Variants in C9 observed in about 807,000 individuals in gnomAD.
The protein encoded by C9 is complement C9.
A neutral mutation model predicts 65.4 loss-of-function variants in C9; 63 were observed. The observed-to-expected ratio is 0.96, with a 90% CI of 0.79 to 1.19. The LOEUF is 1.19. Among genes scored for constraint, C9 ranks in the 50% most tolerant of loss-of-function variants. C9 has a pLI of 0.00. For synonymous variants in C9, 229 were observed against 227.9 expected (o/e 1.00, Z -0.04); for missense variants, 744 against 670.1 (o/e 1.11, Z -1.22).
intron 4 of C9, among the ~76,000 whole-genome samples, chr5:39,337,538 G>A (rs919539103): frequency 6.6e-6 from 1 of 152,272 alleles, no homozygotes; most frequent in East Asian, 1.9e-4. Context: ...TTCTTTGGCA[G>A]TGCTTATAGA....
intron 4 of C9, among the ~76,000 whole-genome samples, chr5:39,333,578 C>CTCTCCG (rs1165605561): frequency 7.0e-6 from 1 of 142,560 alleles, no homozygotes; most frequent in African/African-American, 2.7e-5. Flanking sequence ...CTCCCTCTCC[C>CTCTCCG]TCTCCGTCTC....
intron 4 of C9, among the ~76,000 whole-genome samples, chr5:39,338,984 A>G (rs887891053): frequency 1.3e-5 from 2 of 152,224 alleles, no homozygotes; most frequent in African/African-American, 4.8e-5. Context: ...GAGAATAAAT[A>G]ACATATGTTA....
At chr5:39,341,952 A>G (rs1168204545) in intron 2 of C9, 139 bp downstream of exon 2, 3 of 712,864 alleles carry the variant, frequency 4.2e-6, no homozygotes, top group South Asian at 3.2e-5. Context: ...AGTTAGCAAC[A>G]TACATTTAAA....
chr5:39,343,500 C>T (rs558329481), intron 1 of C9, among the ~76,000 whole-genome samples: 1 of 152,296 alleles, frequency 6.6e-6, no homozygotes. Context: ...ATTGCTGAGG[C>T]TTGAATATGT....
intron 9 of C9, among the ~76,000 whole-genome samples, chr5:39,293,864 GA>G (rs2111847164): frequency 6.6e-6 from 1 of 151,892 alleles, no homozygotes; most frequent in Non-Finnish European, 1.5e-5. Context: ...TACCTTCTAA[GA>G]CCACATGGAA....
At chr5:39,343,416 A>C (rs535104672) in intron 1 of C9, among the ~76,000 whole-genome samples, 5 of 152,322 alleles carry the variant, frequency 3.3e-5, no homozygotes, top group African/African-American at 1.2e-4. Flanking sequence ...AGGCCCATGG[A>C]GACTTGCTCA....
At position 39,306,714 on chromosome 5, in the gene C9, A is replaced by C; in HGVS notation, c.1319T>G (p.Leu440Arg). ...RGGTRKYAFELKEKLLRGTVI... is the reference protein window; with the variant it reads ...RGGTRKYAFERKEKLLRGTVI... ...GGTTCCTCGGAGAAGCTTTTCTTTC[A>C]GTTCAAATGCATATTTTCTGGTTCC... Residue 440 changes from leucine to arginine, a missense_variant, in exon 9 of 11, where the codon CTG becomes CGG. Coordinates refer to ENST00000263408, the MANE Select transcript of C9 (RefSeq NM_001737.5). 1.2e-6 allele frequency: 2 copies of C among 1,612,868 alleles called. No individual in the cohort carries two copies. The highest frequency in any genetic ancestry group is 3.3e-4 in the Middle Eastern group (2 of 6,056).
intron 7 of C9, among the ~76,000 whole-genome samples, chr5:39,309,092 C>G (rs891286093): frequency 2.6e-5 from 4 of 150,948 alleles, no homozygotes; most frequent in African/African-American, 4.9e-5. Context: ...TGTGTAGATG[C>G]CCAAACAGTT....
intron 5 of C9, among the ~76,000 whole-genome samples, chr5:39,323,330 C>T (rs1265091174): frequency 6.6e-6 from 1 of 151,696 alleles, no homozygotes; most frequent in Non-Finnish European, 1.5e-5. Context: ...ACCAGCATTA[C>T]CCTGATATCA....
At chr5:39,316,860 C>G (rs1337434363) in intron 5 of C9, among the ~76,000 whole-genome samples, 1 of 152,108 alleles carries the variant, frequency 6.6e-6, no homozygotes. Context: ...TGGATATATA[C>G]TCAGTATTGG....
At chr5:39,313,616 C>A (rs993481476) in intron 6 of C9, among the ~76,000 whole-genome samples, 1 of 152,176 alleles carries the variant, frequency 6.6e-6, no homozygotes, top group Non-Finnish European at 1.5e-5. Context: ...TGCTGCTGTT[C>A]CATAGACCAC....
At chr5:39,334,067 C>T (rs1244226832) in intron 4 of C9, among the ~76,000 whole-genome samples, 1 of 151,338 alleles carries the variant, frequency 6.6e-6, no homozygotes, top group Non-Finnish European at 1.5e-5. Context: ...CTCTGCCTGG[C>T]CGCCCATCGT....
chr5:39,310,900 A>T (rs1409881710), intron 7 of C9, among the ~76,000 whole-genome samples: 3 of 152,200 alleles, frequency 2.0e-5, no homozygotes, highest in Admixed American at 6.5e-5. Context: ...AATACAATGG[A>T]TCCATCTCTC....
intron 5 of C9, among the ~76,000 whole-genome samples, chr5:39,320,048 A>T (rs1753640724): frequency 6.6e-6 from 1 of 152,214 alleles, no homozygotes. Flanking sequence ...TCTTTAAGGA[A>T]TGGAATAAGT....
chr5:39,313,215 C>A (rs566336937), intron 6 of C9, among the ~76,000 whole-genome samples: 1 of 152,252 alleles, frequency 6.6e-6, no homozygotes, highest in East Asian at 1.9e-4. Context: ...TCACTAGAAG[C>A]AAAATTTATT....
At chr5:39,303,004 A>G (rs1753310179) in intron 9 of C9, among the ~76,000 whole-genome samples, 1 of 152,182 alleles carries the variant, frequency 6.6e-6, no homozygotes, top group East Asian at 1.9e-4. Context: ...CTTTGTTTCT[A>G]ATAATGGAAA....
chr5:39,296,106 G>C (rs1019077644), intron 9 of C9, among the ~76,000 whole-genome samples: 1 of 151,574 alleles, frequency 6.6e-6, no homozygotes, highest in African/African-American at 2.4e-5. Flanking sequence ...AATGCTTCAG[G>C]ACATTGGTCA....
At chr5:39,327,268 T>A (rs1295806123) in intron 5 of C9, among the ~76,000 whole-genome samples, 1 of 152,126 alleles carries the variant, frequency 6.6e-6, no homozygotes, top group East Asian at 1.9e-4. Flanking sequence ...AGGAGAATGA[T>A]CAGATTTATT....
At chr5:39,335,599 T>A (rs1753949613) in intron 4 of C9, among the ~76,000 whole-genome samples, 1 of 152,222 alleles carries the variant, frequency 6.6e-6, no homozygotes, top group Non-Finnish European at 1.5e-5. Context: ...TACAGGAGGA[T>A]GTACATAGGT....
Sources: allele counts gnomAD v4.1 joint callset (sites outside exome capture counted in the v4.1 genomes callset), GRCh38; gene constraint gnomAD v4.1.1; transcripts MANE v1.5; gene names NCBI Gene and HGNC (gene_info 2026-07-23, HGNC 2026-07-21).